TENM3: variants seen among roughly 807,000 people sequenced by gnomAD.
The protein encoded by TENM3 is teneurin-3.
TENM3 carries 63 observed loss-of-function variants against 255.1 expected under a neutral mutation model. That is an observed-to-expected ratio of 0.25 (90% CI 0.20 to 0.30). The LOEUF (loss-of-function observed/expected upper bound fraction) is 0.30. TENM3 is among the 10% of genes least tolerant of loss of function. The pLI is 1.00. For synonymous variants in TENM3, 1,306 were observed against 1,322.3 expected (o/e 0.99, Z 0.27); for missense variants, 2,929 against 3,461.1 (o/e 0.85, Z 3.86).
intron 22 of TENM3, among the ~76,000 whole-genome samples, chr4:182,771,805 A>T (rs1440289424): frequency 6.6e-6 from 1 of 152,188 alleles, no homozygotes; most frequent in Non-Finnish European, 1.5e-5. Flanking sequence ...TTCCTTTGCT[A>T]GGGGCGTTTG....
intron 1 of TENM3, among the ~76,000 whole-genome samples, chr4:182,173,642 A>C (rs371863301): frequency 3.3e-4 from 51 of 152,266 alleles, no homozygotes; most frequent in African/African-American, 1.2e-3. Flanking sequence ...TGAAGAATGA[A>C]GTTTGGAGGA....
At chr4:182,242,250 T>C (rs1757329171), upstream of TENM3, among the ~76,000 whole-genome samples, 1 of 151,956 alleles carries the variant, frequency 6.6e-6, no homozygotes. Flanking sequence ...AATGTTCCCC[T>C]TCCTGTGTCC....
At chr4:181,896,202 G>A in the TENM3 span, among the ~76,000 whole-genome samples, 14 of 152,292 alleles carry the variant, frequency 9.2e-5, no homozygotes, top group Non-Finnish European at 1.9e-4. Flanking sequence ...TTGTTGGGAA[G>A]TGAATGAGTA....
chr4:181,883,484 T>C, the TENM3 span, among the ~76,000 whole-genome samples: 1 of 152,222 alleles, frequency 6.6e-6, no homozygotes, highest in Non-Finnish European at 1.5e-5. Flanking sequence ...TTTTTTGTTG[T>C]TGTTGAGGCG....
the TENM3 span, among the ~76,000 whole-genome samples, chr4:181,892,710 G>A: frequency 6.6e-6 from 1 of 152,008 alleles, no homozygotes; most frequent in Non-Finnish European, 1.5e-5. Flanking sequence ...TTAATACTCA[G>A]CTCAAAATTT....
At chr4:182,656,593 C>T (rs113021101) in intron 6 of TENM3, among the ~76,000 whole-genome samples, 5 of 152,258 alleles carry the variant, frequency 3.3e-5, no homozygotes, top group African/African-American at 1.2e-4. Flanking sequence ...CACATCATCT[C>T]TTTAGAAATT....
chr4:182,650,876 TG>T (rs1344443103), intron 5 of TENM3, among the ~76,000 whole-genome samples: 4 of 114,198 alleles, frequency 3.5e-5, no homozygotes, highest in Admixed American at 8.9e-5. Flanking sequence ...TGAGATTTTC[TG>T]TAATAAAAAA....
chr4:182,429,194 G>T (rs1028510667), intron 3 of TENM3, among the ~76,000 whole-genome samples: 1 of 152,190 alleles, frequency 6.6e-6, no homozygotes, highest in African/African-American at 2.4e-5. Flanking sequence ...CAACTAAATT[G>T]TGACAGAAAT....
At chr4:182,288,136 G>C (rs1332936903) in intron 1 of TENM3, among the ~76,000 whole-genome samples, 2 of 151,100 alleles carry the variant, frequency 1.3e-5, no homozygotes, top group South Asian at 4.2e-4. Context: ...AGATTTCTCC[G>C]TGTTGGTCAG....
chr4:182,047,256 A>G, the TENM3 span, among the ~76,000 whole-genome samples: 2 of 152,190 alleles, frequency 1.3e-5, no homozygotes, highest in East Asian at 3.9e-4. Flanking sequence ...AAAAATCTCC[A>G]TAAGTATGTG....
chr4:182,426,545 T>C (rs2151167824), intron 3 of TENM3, among the ~76,000 whole-genome samples: 1 of 152,280 alleles, frequency 6.6e-6, no homozygotes, highest in Middle Eastern at 3.4e-3. Flanking sequence ...ATGACCCCAA[T>C]TAGCACCATA....
At chr4:181,731,155 A>T in the TENM3 span, among the ~76,000 whole-genome samples, 1 of 152,336 alleles carries the variant, frequency 6.6e-6, no homozygotes, top group Admixed American at 6.5e-5. Context: ...AAAGAATATC[A>T]TATGAGATAC....
chr4:181,473,458 G>C, the TENM3 span, among the ~76,000 whole-genome samples: 1 of 151,914 alleles, frequency 6.6e-6, no homozygotes, highest in Non-Finnish European at 1.5e-5. Flanking sequence ...TGGGGGTGGC[G>C]ACACGCACCT....
chr4:182,013,882 T>C, the TENM3 span, among the ~76,000 whole-genome samples: 12 of 150,046 alleles, frequency 8.0e-5, no homozygotes, highest in South Asian at 2.3e-3. Flanking sequence ...GTAATACTTA[T>C]ATATTATAAA....
the TENM3 span, among the ~76,000 whole-genome samples, chr4:181,888,516 G>GTGTATATATATATATA: frequency 7.2e-5 from 3 of 41,518 alleles, no homozygotes; most frequent in Non-Finnish European, 8.8e-5. Context: ...ATATATATAT[G>GTGTATATATATATATA]TATATATATA....
chr4:182,601,472 T>A (rs539062496), intron 4 of TENM3, among the ~76,000 whole-genome samples: 1 of 152,320 alleles, frequency 6.6e-6, no homozygotes, highest in South Asian at 2.1e-4. Flanking sequence ...AGGACAGAGA[T>A]GTAAAATGTT....
the TENM3 span, among the ~76,000 whole-genome samples, chr4:182,103,158 T>C: frequency 2.6e-5 from 4 of 152,262 alleles, no homozygotes; most frequent in Admixed American, 1.3e-4. Context: ...TAAATACTTA[T>C]ATTAATCTGT....
chr4:182,519,741 G>A (rs1399919212), intron 3 of TENM3, among the ~76,000 whole-genome samples: 4 of 152,112 alleles, frequency 2.6e-5, no homozygotes, highest in Non-Finnish European at 5.9e-5. Context: ...AAAGTATTGA[G>A]CAGAAAAGAA....
intron 11 of TENM3, among the ~76,000 whole-genome samples, chr4:182,687,069 T>C (rs1425909509): frequency 6.6e-6 from 1 of 152,112 alleles, no homozygotes; most frequent in Non-Finnish European, 1.5e-5. Flanking sequence ...GTCTGAGAAA[T>C]GTTACCTGGG....
Sources: gnomAD v4.1 joint callset for allele counts (sites outside exome capture counted in the v4.1 genomes callset) on GRCh38, gnomAD v4.1.1 for gene constraint, MANE v1.5 for transcripts, NCBI Gene and HGNC (gene_info 2026-07-23, HGNC 2026-07-21) for gene names.